TEAD1: variants seen among roughly 807,000 people sequenced by gnomAD.
TEAD1 encodes TEA domain transcription factor 1.
In TEAD1, 9 loss-of-function variants were observed where a neutral mutation model predicts 54.9. That is an observed-to-expected ratio of 0.16 (90% CI 0.10 to 0.29). The LOEUF is 0.29. Among genes scored for constraint, TEAD1 ranks in the 10% least tolerant of loss-of-function variants. TEAD1 has a pLI of 1.00. For missense variants in TEAD1, 387 were observed against 535.9 expected (o/e 0.72, Z 2.74); for synonymous variants, 200 against 187.8 (o/e 1.07, Z -0.53).
At chr11:12,917,730 G>A (rs11022551) in intron 10 of TEAD1, among the ~76,000 whole-genome samples, 132 of 152,298 alleles carry the variant, frequency 8.7e-4, no homozygotes, top group Non-Finnish European at 1.5e-3. Flanking sequence ...GTTGACCTCT[G>A]AACTAAGTTT....
chr11:12,829,634 C>G (rs1250192015), intron 3 of TEAD1, among the ~76,000 whole-genome samples: 1 of 152,158 alleles, frequency 6.6e-6, no homozygotes, highest in African/African-American at 2.4e-5. Context: ...TTATTGAGCT[C>G]TCCACTGTTA....
At chr11:12,771,004 A>G (rs751263250) in intron 3 of TEAD1, among the ~76,000 whole-genome samples, 1 of 152,250 alleles carries the variant, frequency 6.6e-6, no homozygotes, top group Non-Finnish European at 1.5e-5. Context: ...CCCCCAGAAA[A>G]ATCACATATT....
intron 2 of TEAD1, among the ~76,000 whole-genome samples, chr11:12,751,015 T>G (rs977596930): frequency 6.6e-6 from 1 of 152,114 alleles, no homozygotes; most frequent in Non-Finnish European, 1.5e-5. Flanking sequence ...ATGCCAAACA[T>G]AGAAAAATGA....
At chr11:12,796,448 A>G (rs1206455000) in intron 3 of TEAD1, among the ~76,000 whole-genome samples, 2 of 152,202 alleles carry the variant, frequency 1.3e-5, no homozygotes, top group Non-Finnish European at 1.5e-5. Context: ...TTCTTAGGCT[A>G]CGTGGGATGG....
intron 4 of TEAD1, among the ~76,000 whole-genome samples, chr11:12,863,221 G>A (rs1165407501): frequency 6.6e-6 from 1 of 152,196 alleles, no homozygotes; most frequent in Non-Finnish European, 1.5e-5. Context: ...TTGTTTTCAT[G>A]AGTGTTTATA....
At chr11:12,880,280 C>T (rs1675519054) in intron 6 of TEAD1, among the ~76,000 whole-genome samples, 1 of 152,204 alleles carries the variant, frequency 6.6e-6, no homozygotes, top group Admixed American at 6.5e-5. Flanking sequence ...CATTTTGACA[C>T]CTACCAAAGG....
chr11:12,744,222 G>A lies in TEAD1; in HGVS notation c.-54-19957G>A, dbSNP rs116571280. Among the ~76,000 whole-genome samples the A allele has an allele frequency of 7.2e-3, 1,096 of 152,226 alleles. 16 individuals are homozygous for A. The highest frequency in any genetic ancestry group is 0.025 in the African/African-American group (1,050 of 41,528). On this transcript the variant is annotated intron_variant, in intron 2 of 12. Transcript: ENST00000527636. The stretch of plus-strand genomic sequence containing the variant: ...ATACTGTGTATACAGTGTGAGAGGC[G>A]CACAGCCTCTGTCTTCATGAGGTCC...
intron 10 of TEAD1, among the ~76,000 whole-genome samples, chr11:12,905,443 T>C (rs761062804): frequency 6.6e-6 from 1 of 152,224 alleles, no homozygotes; most frequent in South Asian, 2.1e-4. Flanking sequence ...ACATCACTCC[T>C]TCAGTAGAGT....
At chr11:12,754,335 C>T (rs943465783) in intron 2 of TEAD1, among the ~76,000 whole-genome samples, 14 of 152,236 alleles carry the variant, frequency 9.2e-5, no homozygotes, top group South Asian at 6.2e-4. Context: ...GCCTCTGCCC[C>T]GGAGGAGTTT....
chr11:12,832,294 G>A (rs7927865), intron 3 of TEAD1, among the ~76,000 whole-genome samples: 90,419 of 152,060 alleles, frequency 0.59, 29,179 homozygotes, highest in East Asian at 0.75. Context: ...TGTCAGAGAC[G>A]GTTGTTCAGT....
At chr11:12,748,853 G>A (rs1944806405) in intron 2 of TEAD1, among the ~76,000 whole-genome samples, 1 of 150,532 alleles carries the variant, frequency 6.6e-6, no homozygotes. Flanking sequence ...GAGCAGAGGG[G>A]ATCCAGGGGA....
intron 2 of TEAD1, among the ~76,000 whole-genome samples, chr11:12,689,493 T>C (rs899721909): frequency 4.6e-5 from 7 of 152,172 alleles, no homozygotes; most frequent in African/African-American, 1.4e-4. Context: ...TGGGTTATAG[T>C]GCAGGTTCAG....
At chr11:12,892,712 G>C (rs1241732627) in intron 9 of TEAD1, among the ~76,000 whole-genome samples, 1 of 152,154 alleles carries the variant, frequency 6.6e-6, no homozygotes, top group Non-Finnish European at 1.5e-5. Context: ...TTGCCAGGAG[G>C]GTTCTTGCCT....
At chr11:12,765,203 G>T (rs760202171) in intron 3 of TEAD1, among the ~76,000 whole-genome samples, 1 of 152,112 alleles carries the variant, frequency 6.6e-6, no homozygotes, top group Non-Finnish European at 1.5e-5. Flanking sequence ...TCCACCTGCC[G>T]GTCTGGGGCT....
chr11:12,857,560 A>C (rs1035825097), intron 3 of TEAD1, among the ~76,000 whole-genome samples: 1 of 129,542 alleles, frequency 7.7e-6, no homozygotes, highest in African/African-American at 3.3e-5. Context: ...TGAATCAAGC[A>C]TCTCTCTCTC....
intron 5 of TEAD1, among the ~76,000 whole-genome samples, chr11:12,878,534 A>G (rs928420952): frequency 2.6e-5 from 4 of 152,086 alleles, no homozygotes; most frequent in Admixed American, 2.6e-4. Context: ...CGAGGCTCAA[A>G]GCCCTGCCTG....
At chr11:12,737,163 A>G (rs1229880928) in intron 2 of TEAD1, among the ~76,000 whole-genome samples, 6 of 152,046 alleles carry the variant, frequency 3.9e-5, no homozygotes, top group Non-Finnish European at 7.4e-5. Flanking sequence ...AGGCCTAGGT[A>G]GGGGGAAAAA....
At chr11:12,857,168 G>A (rs1391394110) in intron 3 of TEAD1, among the ~76,000 whole-genome samples, 1 of 152,138 alleles carries the variant, frequency 6.6e-6, no homozygotes, top group Non-Finnish European at 1.5e-5. Context: ...CCAATGATGG[G>A]CTCATTTCGA....
intron 2 of TEAD1, among the ~76,000 whole-genome samples, chr11:12,735,888 A>G (rs1471642211): frequency 1.3e-5 from 2 of 152,144 alleles, no homozygotes; most frequent in Non-Finnish European, 2.9e-5. Flanking sequence ...GTTTAAGGCT[A>G]ATTGAACAAA....
Sources: gnomAD v4.1 joint callset for allele counts (sites outside exome capture counted in the v4.1 genomes callset) on GRCh38, gnomAD v4.1.1 for gene constraint, MANE v1.5 for transcripts, NCBI Gene and HGNC (gene_info 2026-07-23, HGNC 2026-07-21) for gene names.